The following CADM1 variants were observed in gnomAD, a reference collection of about 807,000 sequenced individuals.
The protein encoded by CADM1 is TSLC-1.
A neutral mutation model predicts 53.1 loss-of-function variants in CADM1; 15 were observed. That is an observed-to-expected ratio of 0.28 (90% confidence interval 0.19 to 0.44). The LOEUF is 0.44. CADM1 is among the 20% of genes least tolerant of loss of function. The pLI, the probability that CADM1 is intolerant of heterozygous loss-of-function variation, is 1.00. For synonymous variants in CADM1, 281 were observed against 243.0 expected (o/e 1.16, Z -1.45); for missense variants, 434 against 611.3 (o/e 0.71, Z 3.06).
At chr11:115,287,369 G>C (rs1313103922) in intron 1 of CADM1, 1 of 152,248 alleles carries the variant, frequency 6.6e-6, no homozygotes, top group Admixed American at 6.5e-5. Flanking sequence ...AGGGTGAGGG[G>C]ACGGAGGCAG....
intron 1 of CADM1, among the ~76,000 whole-genome samples, chr11:115,287,959 G>A (rs758938642): frequency 2.1e-4 from 32 of 152,184 alleles, no homozygotes; most frequent in Non-Finnish European, 4.0e-4. Context: ...GTGATGATCA[G>A]TGCTTTGAAA....
At chr11:115,296,098 G>A (rs1249899643) in intron 1 of CADM1, among the ~76,000 whole-genome samples, 1 of 152,110 alleles carries the variant, frequency 6.6e-6, no homozygotes, top group Non-Finnish European at 1.5e-5. Flanking sequence ...CTACAGGTGA[G>A]TGCACCCATG....
At chr11:115,205,223 A>G (rs1300358164) in intron 8 of CADM1, among the ~76,000 whole-genome samples, 2 of 152,168 alleles carry the variant, frequency 1.3e-5, no homozygotes, top group East Asian at 3.9e-4. Context: ...TTCCTCATCA[A>G]GCATCTAACT....
Position 115,176,312 on chromosome 11 carries a change from A to ATT in CADM1, c.*160_*161dup, listed in dbSNP as rs201580425. ...CAGCAGAGTGTACTTTCCAAAGAAC[A>ATT]TTTTTTTTTTTTTTACACAGCAAAT... On this transcript the variant is annotated 3_prime_UTR_variant, in exon 12 of 12. Transcript: ENST00000331581. 1.0e-4 allele frequency: 132 copies of ATT among 1,308,092 alleles called. No individual in the cohort carries two copies. The highest frequency in any genetic ancestry group is 2.6e-4 in the Middle Eastern group (1 of 3,798). 81.0% of individuals were successfully genotyped at this position (1,308,092 alleles called of 1,614,324 possible). A position where few individuals can be genotyped will look rare whatever the true frequency, so the allele number is the denominator to read the frequency against.
At chr11:115,331,002 G>A (rs192257930) in intron 1 of CADM1, among the ~76,000 whole-genome samples, 1 of 152,178 alleles carries the variant, frequency 6.6e-6, no homozygotes, top group Non-Finnish European at 1.5e-5. Flanking sequence ...AAACAGGGAA[G>A]TGAAGAGGAG....
At chr11:115,452,643 G>C (rs2135352321) in intron 1 of CADM1, among the ~76,000 whole-genome samples, 1 of 152,216 alleles carries the variant, frequency 6.6e-6, no homozygotes, top group South Asian at 2.1e-4. Flanking sequence ...AACACTTGGG[G>C]GAAACAGGCA....
At chr11:115,228,847 T>G (rs917047003) in intron 5 of CADM1, among the ~76,000 whole-genome samples, 3 of 152,216 alleles carry the variant, frequency 2.0e-5, no homozygotes, top group Admixed American at 6.5e-5. Context: ...ACAGTCTATA[T>G]GCAAAGAAAT....
intron 1 of CADM1, among the ~76,000 whole-genome samples, chr11:115,327,590 T>C (rs916042913): frequency 2.6e-5 from 4 of 152,072 alleles, no homozygotes; most frequent in Non-Finnish European, 4.4e-5. Flanking sequence ...CCAGCTGGGT[T>C]ATTCTGTCAA....
chr11:115,384,882 A>T (rs1371150167), intron 1 of CADM1, among the ~76,000 whole-genome samples: 1 of 152,206 alleles, frequency 6.6e-6, no homozygotes, highest in Non-Finnish European at 1.5e-5. Context: ...TCCTTGTTCA[A>T]GTCATTTGCT....
At chr11:115,450,096 C>T (rs932894362) in intron 1 of CADM1, among the ~76,000 whole-genome samples, 3 of 152,060 alleles carry the variant, frequency 2.0e-5, no homozygotes, top group African/African-American at 7.2e-5. Flanking sequence ...TCTTTCCATA[C>T]AACATGAGAA....
chr11:115,350,786 G>C (rs1945713079), intron 1 of CADM1, among the ~76,000 whole-genome samples: 1 of 151,972 alleles, frequency 6.6e-6, no homozygotes, highest in South Asian at 2.1e-4. Context: ...ACACTGTTTA[G>C]CTAAAGCAAA....
intron 7 of CADM1, among the ~76,000 whole-genome samples, chr11:115,212,628 T>C (rs11601041): frequency 0.38 from 57,026 of 152,042 alleles, 12,952 homozygotes; most frequent in Non-Finnish European, 0.51. Context: ...TCATCTCATA[T>C]TGAAGGGGAT....
intron 1 of CADM1, among the ~76,000 whole-genome samples, chr11:115,247,607 G>A (rs1489233007): frequency 6.6e-6 from 1 of 152,212 alleles, no homozygotes; most frequent in Non-Finnish European, 1.5e-5. Context: ...GAATAGCCAA[G>A]AATACTGATG....
chr11:115,411,673 T>G (rs1947463145), intron 1 of CADM1, among the ~76,000 whole-genome samples: 1 of 152,126 alleles, frequency 6.6e-6, no homozygotes. Flanking sequence ...TTTTTTATTA[T>G]TTATTTTTTT....
chr11:115,363,118 A>G (rs900560259), intron 1 of CADM1, among the ~76,000 whole-genome samples: 5 of 152,200 alleles, frequency 3.3e-5, no homozygotes, highest in Admixed American at 2.6e-4. Flanking sequence ...CAAGCGGCTG[A>G]GGCTCTTTAG....
In CADM1 at chr11:115,232,016, C is replaced by T. The variant is rs865941739; in HGVS notation, c.425-526G>A. ...ATAATAATAATAATAATAATAATAA[C>T]AACAACAACAACAACAACCAATGTC... On this transcript the variant is annotated intron_variant, in intron 3 of 11. Coordinates refer to ENST00000331581, the MANE Select transcript of CADM1 (RefSeq NM_001301043.2). Among the ~76,000 whole-genome samples, 299 of 136,084 alleles carry T rather than the reference C, an allele frequency of 2.2e-3. 1 individual carries two copies. Among genetic ancestry groups the T allele is most frequent in the African/African-American group, 4.4e-3 (151 of 34,574 alleles). The allele number at this position is 136,084 out of a possible 152,430, so 89.3% of individuals were successfully genotyped here.
At chr11:115,350,630 T>C (rs564553951) in intron 1 of CADM1, among the ~76,000 whole-genome samples, 1 of 135,790 alleles carries the variant, frequency 7.4e-6, no homozygotes, top group Admixed American at 7.2e-5. Context: ...GTTTGTCCCA[T>C]ACTAACTAAA....
At chr11:115,473,350 TCGGGAGGCAAAGG>T (rs1405528543) in intron 1 of CADM1, among the ~76,000 whole-genome samples, 2 of 152,092 alleles carry the variant, frequency 1.3e-5, no homozygotes, top group Non-Finnish European at 2.9e-5. Flanking sequence ...TCCCAGCTAC[TCGGGAGGCAAAGG>T]CGGGAGGTTC....
At chr11:115,301,792 G>T (rs986504426) in intron 1 of CADM1, among the ~76,000 whole-genome samples, 2 of 151,944 alleles carry the variant, frequency 1.3e-5, no homozygotes, top group East Asian at 3.9e-4. Flanking sequence ...CAGTAAAAAA[G>T]AGATAACAGT....
Sources: allele counts gnomAD v4.1 joint callset (sites outside exome capture counted in the v4.1 genomes callset), GRCh38; gene constraint gnomAD v4.1.1; transcripts MANE v1.5; gene names NCBI Gene and HGNC (gene_info 2026-07-23, HGNC 2026-07-21).